Variants in KSR2 observed in about 807,000 individuals in gnomAD.
KSR2 encodes kinase suppressor of ras 2.
KSR2 carries 25 observed loss-of-function variants against 107.8 expected under a neutral mutation model. The observed-to-expected ratio is 0.23, with a 90% CI of 0.17 to 0.32. The LOEUF (loss-of-function observed/expected upper bound fraction) is 0.32, where lower values mean the gene tolerates loss of function less well. Among genes scored for constraint, KSR2 ranks in the 10% least tolerant of loss-of-function variants. The probability of loss-of-function intolerance (pLI) is 1.00; values close to 1 mark genes in which losing one functional copy is unlikely to be tolerated. For synonymous variants in KSR2, 480 were observed against 507.0 expected (o/e 0.95, Z 0.71); for missense variants, 887 against 1,268.9 (o/e 0.70, Z 4.57).
chr12:117,466,277 G>C lies in KSR2; in HGVS notation c.*922C>G, dbSNP rs1026670832. 1 of 152,182 alleles carries C rather than the reference G, an allele frequency of 6.6e-6. No individual in the cohort carries two copies. The highest frequency in any genetic ancestry group is 2.4e-5 in the African/African-American group (1 of 41,422). 9.4% of individuals were successfully genotyped at this position (152,182 alleles called of 1,614,324 possible). ...ACTGGTGTGAGTAGCAGAGAAGAGG[G>C]AAGAAAAGGAATGTCCTAGAACTCC... On this transcript the variant is annotated 3_prime_UTR_variant, in exon 20 of 20. Transcript: ENST00000339824.
At chr12:117,824,041 T>C (rs1222771851) in intron 3 of KSR2, among the ~76,000 whole-genome samples, 2 of 152,196 alleles carry the variant, frequency 1.3e-5, no homozygotes, top group African/African-American at 4.8e-5. Context: ...AAATGTGGTA[T>C]ATATACACAA....
intron 4 of KSR2, among the ~76,000 whole-genome samples, chr12:117,749,469 A>T (rs1888536332): frequency 7.3e-6 from 1 of 137,782 alleles, no homozygotes; most frequent in Admixed American, 7.6e-5. Flanking sequence ...AAAGAACTCG[A>T]TATACCATAG....
intron 5 of KSR2, among the ~76,000 whole-genome samples, chr12:117,599,163 C>T (rs1161354745): frequency 6.6e-6 from 1 of 152,104 alleles, no homozygotes; most frequent in Admixed American, 6.6e-5. Context: ...AACTTGTGTG[C>T]CAACTTAATG....
chr12:117,960,797 C>CT (rs57298583), intron 1 of KSR2, among the ~76,000 whole-genome samples: 345 of 138,738 alleles, frequency 2.5e-3, no homozygotes, highest in Middle Eastern at 3.6e-3. Flanking sequence ...TTTCTTTTTC[C>CT]TTTTTTTTTT....
intron 5 of KSR2, among the ~76,000 whole-genome samples, chr12:117,650,605 C>T (rs2136433395): frequency 6.6e-6 from 1 of 152,232 alleles, no homozygotes; most frequent in South Asian, 2.1e-4. Flanking sequence ...TAGTCCTTGG[C>T]ATGAACTGTT....
At chr12:117,607,379 A>C (rs972124129) in intron 5 of KSR2, among the ~76,000 whole-genome samples, 20 of 152,136 alleles carry the variant, frequency 1.3e-4, no homozygotes, top group African/African-American at 4.6e-4. Flanking sequence ...GCATTTTGCA[A>C]ATAAAGAAAT....
intron 5 of KSR2, among the ~76,000 whole-genome samples, chr12:117,583,393 G>A (rs1371671729): frequency 7.0e-6 from 1 of 141,934 alleles, no homozygotes; most frequent in Non-Finnish European, 1.5e-5. Context: ...AGATGGATGG[G>A]TGGGTGAGTG....
chr12:117,704,377 G>A (rs1886439543), intron 4 of KSR2, among the ~76,000 whole-genome samples: 1 of 152,148 alleles, frequency 6.6e-6, no homozygotes, highest in Non-Finnish European at 1.5e-5. Context: ...TGATCTCAGA[G>A]CTTACTTCTA....
intron 3 of KSR2, among the ~76,000 whole-genome samples, chr12:117,771,881 C>T (rs573050840): frequency 1.6e-4 from 24 of 146,936 alleles, no homozygotes; most frequent in Admixed American, 3.4e-4. Flanking sequence ...CCCCCAAAGA[C>T]GCACAAACAC....
intron 5 of KSR2, among the ~76,000 whole-genome samples, chr12:117,629,916 T>C (rs928446812): frequency 3.3e-5 from 5 of 152,180 alleles, no homozygotes. Flanking sequence ...TCATTCAACC[T>C]TTAGCAAAAC....
intron 4 of KSR2, among the ~76,000 whole-genome samples, chr12:117,758,414 G>T (rs1888871761): frequency 6.6e-6 from 1 of 152,090 alleles, no homozygotes; most frequent in Non-Finnish European, 1.5e-5. Flanking sequence ...ATGGTCCCAG[G>T]CTAAGTGGTC....
intron 7 of KSR2, among the ~76,000 whole-genome samples, chr12:117,570,071 C>T (rs758518861): frequency 6.6e-6 from 1 of 151,702 alleles, no homozygotes; most frequent in South Asian, 2.1e-4. Context: ...GGCGTGATCC[C>T]GGCTCACTGC....
At chr12:117,763,438 C>CG (rs1212751531) in intron 3 of KSR2, among the ~76,000 whole-genome samples, 2 of 152,206 alleles carry the variant, frequency 1.3e-5, no homozygotes, top group African/African-American at 4.8e-5. Flanking sequence ...CATGCAACCA[C>CG]GTAAAGCCTT....
intron 5 of KSR2, among the ~76,000 whole-genome samples, chr12:117,594,367 TCA>T (rs1215199653): frequency 1.3e-5 from 2 of 152,174 alleles, no homozygotes; most frequent in Non-Finnish European, 2.9e-5. Context: ...TGCCTCTCTC[TCA>T]GTTTCCTGAG....
rs1334347203 is a variant in KSR2 at position 117,860,447 on chromosome 12, C to T, written c.181-16G>A. ...CCAGCTTGCTCTGTGGAGACACAGA[C>T]GAGGACAGAGGACACATCTCAGAGG... On this transcript the variant is annotated splice_polypyrimidine_tract_variant and intron_variant, in intron 1 of 19. Coordinates refer to ENST00000339824, the MANE Select transcript of KSR2 (RefSeq NM_173598.6). 3.1e-6 allele frequency: 5 copies of T among 1,595,342 alleles called. No homozygotes were observed. Among genetic ancestry groups the T allele is most frequent in the East Asian group, 4.5e-5 (2 of 44,410 alleles).
intron 1 of KSR2, among the ~76,000 whole-genome samples, chr12:117,894,813 T>C (rs1894459599): frequency 1.3e-5 from 2 of 150,570 alleles, no homozygotes; most frequent in East Asian, 4.0e-4. Context: ...TCCGCCATGA[T>C]TGTAAGTTTC....
intron 18 of KSR2, among the ~76,000 whole-genome samples, chr12:117,470,479 T>C (rs1871382628): frequency 6.6e-6 from 1 of 152,372 alleles, no homozygotes; most frequent in South Asian, 2.1e-4. Context: ...TAAGCTCTAT[T>C]CTAGAAGGTC....
At chr12:117,870,195 G>T (rs915123689) in intron 1 of KSR2, among the ~76,000 whole-genome samples, 1 of 152,184 alleles carries the variant, frequency 6.6e-6, no homozygotes, top group African/African-American at 2.4e-5. Flanking sequence ...GTGAATTCCC[G>T]AATTCTAGCT....
chr12:117,798,405 G>A (rs1405840459), intron 3 of KSR2, among the ~76,000 whole-genome samples: 1 of 152,218 alleles, frequency 6.6e-6, no homozygotes, highest in African/African-American at 2.4e-5. Flanking sequence ...GGCCAAGGCA[G>A]GCGGATCACT....
Sources: allele counts gnomAD v4.1 joint callset (sites outside exome capture counted in the v4.1 genomes callset), GRCh38; gene constraint gnomAD v4.1.1; transcripts MANE v1.5; gene names NCBI Gene and HGNC (gene_info 2026-07-23, HGNC 2026-07-21).